Variants in NCAM2 observed in about 807,000 individuals in gnomAD.
NCAM2 encodes the protein N-CAM-2.
In NCAM2, 30 loss-of-function variants were observed where a neutral mutation model predicts 98.1. The ratio of observed to expected loss-of-function variants is 0.31; its 90% CI spans 0.23 to 0.41. The LOEUF is 0.41. Ranked by LOEUF, NCAM2 falls within the 10% of genes least tolerant of loss-of-function variation. NCAM2 has a pLI of 1.00. For missense variants in NCAM2, 867 were observed against 1,005.8 expected, an observed-to-expected ratio of 0.86 and a Z score of 1.87; for synonymous variants, 368 against 342.4, an observed-to-expected ratio of 1.07 and a Z score of -0.83.
rs894003943 is a variant in NCAM2 at position 21,213,573 on chromosome 21, C to A, written c.56-67005C>A. Among the ~76,000 whole-genome samples, 3 of 152,230 alleles carry A rather than the reference C, an allele frequency of 2.0e-5. No individual in the cohort carries two copies. The East Asian group carries it at 5.8e-4, about 29-fold the overall frequency. Reference sequence around the variant, plus strand: ...TAGGAATAATGCTTTAGAGATATGTCACATTACAGCGTTTTTATGCCTTTT... The same window carrying A: ...TAGGAATAATGCTTTAGAGATATGTAACATTACAGCGTTTTTATGCCTTTT... On this transcript the variant is annotated intron_variant, in intron 1 of 17. Coordinates refer to ENST00000400546, the MANE Select transcript of NCAM2 (RefSeq NM_004540.5).
chr21:21,188,301 A>C (rs1245816298), intron 1 of NCAM2, among the ~76,000 whole-genome samples: 1 of 152,160 alleles, frequency 6.6e-6, no homozygotes, highest in African/African-American at 2.4e-5. Flanking sequence ...AAATACTTAC[A>C]AATTTTTGCC....
intron 1 of NCAM2, among the ~76,000 whole-genome samples, chr21:21,163,051 T>C (rs2067835808): frequency 6.6e-6 from 1 of 152,186 alleles, no homozygotes; most frequent in African/African-American, 2.4e-5. Flanking sequence ...TAGCATATTC[T>C]TTCATCCCCT....
intron 1 of NCAM2, among the ~76,000 whole-genome samples, chr21:21,091,450 A>G (rs2066010158): frequency 1.3e-5 from 2 of 152,112 alleles, no homozygotes; most frequent in Non-Finnish European, 2.9e-5. Context: ...TCATTAAAGT[A>G]CATAGTGATT....
chr21:21,218,952 A>G (rs1407360631), intron 1 of NCAM2, among the ~76,000 whole-genome samples: 2 of 152,206 alleles, frequency 1.3e-5, no homozygotes, highest in East Asian at 3.9e-4. Context: ...CTGAGGAAGG[A>G]GAATCACTTC....
chr21:21,025,461 G>T (rs551040875), intron 1 of NCAM2, among the ~76,000 whole-genome samples: 1 of 152,178 alleles, frequency 6.6e-6, no homozygotes, highest in African/African-American at 2.4e-5. Flanking sequence ...GATAGTGAGT[G>T]TCCCACTGTT....
intron 1 of NCAM2, among the ~76,000 whole-genome samples, chr21:21,004,275 C>T (rs1392243210): frequency 1.3e-5 from 2 of 152,176 alleles, no homozygotes; most frequent in African/African-American, 4.8e-5. Context: ...ATATTATCAG[C>T]ACCTTCTAAC....
In NCAM2 at chr21:21,095,591, C is replaced by A. The variant is rs1480668297; in HGVS notation, c.55+96973C>A. Among the ~76,000 whole-genome samples the A allele has an allele frequency of 2.6e-5, 4 of 151,214 alleles. No individual in the cohort carries two copies. In the South Asian group the frequency reaches 8.3e-4, roughly 31 times the overall value. ...ATAAGTAAGTGAGGCTAAATAAGTTCTTTAAGGAAGAAAAGATGATAAGAT... is the reference window on the plus strand; with the variant it reads ...ATAAGTAAGTGAGGCTAAATAAGTTATTTAAGGAAGAAAAGATGATAAGAT... On this transcript the variant is annotated intron_variant, in intron 1 of 17. Transcript: ENST00000400546.
At chr21:21,503,711 A>G (rs931045936) in intron 15 of NCAM2, among the ~76,000 whole-genome samples, 1 of 151,972 alleles carries the variant, frequency 6.6e-6, no homozygotes, top group African/African-American at 2.4e-5. Flanking sequence ...TGAAAATTTG[A>G]ATGCAATTAC....
chr21:21,172,484 A>G (rs936500441), intron 1 of NCAM2, among the ~76,000 whole-genome samples: 2 of 152,154 alleles, frequency 1.3e-5, no homozygotes, highest in Non-Finnish European at 2.9e-5. Flanking sequence ...ACACTTTAAA[A>G]TAACTCTTTC....
intron 1 of NCAM2, among the ~76,000 whole-genome samples, chr21:21,267,343 A>T (rs572469574): frequency 2.0e-5 from 3 of 152,162 alleles, no homozygotes; most frequent in African/African-American, 7.2e-5. Flanking sequence ...ATTTTGCTTT[A>T]TAAGAATAAA....
chr21:21,050,008 G>A lies in NCAM2; in HGVS notation c.55+51390G>A, dbSNP rs116252544. ...GCTTGATTCATTTCCTTAGGTTAAT[G>A]GACACACAATTATTATTCTACAGTA... is the stretch of plus-strand genomic sequence containing the variant. On this transcript the variant is annotated intron_variant, in intron 1 of 17. Coordinates refer to ENST00000400546, the MANE Select transcript of NCAM2 (RefSeq NM_004540.5). 9.6e-3 allele frequency among the ~76,000 whole-genome samples: 1,464 copies of A among 152,150 alleles called. 20 individuals are homozygous for A. Among genetic ancestry groups the A allele is most frequent in the African/African-American group, 0.034 (1,407 of 41,504 alleles).
rs232399 is a variant in NCAM2, at chr21:21,430,194, G to T, written c.1481-1914G>T. ...CAGGCACACTCCACTACACCCGGCT[G>T]TTTTTTTTATTTTTGTGGAAACAGG... On this transcript the variant is annotated intron_variant, in intron 11 of 17. Coordinates refer to ENST00000400546, the MANE Select transcript of NCAM2 (RefSeq NM_004540.5). Among the ~76,000 whole-genome samples the T allele has an allele frequency of 3.4e-3, 514 of 150,948 alleles. 2 individuals are homozygous for T. Among genetic ancestry groups the T allele is most frequent in the Non-Finnish European group, 5.8e-3 (390 of 67,716 alleles).
chr21:21,242,096 A>G (rs1217970126), intron 1 of NCAM2, among the ~76,000 whole-genome samples: 1 of 152,160 alleles, frequency 6.6e-6, no homozygotes, highest in Non-Finnish European at 1.5e-5. Context: ...TAAGTGGTGA[A>G]ATACAAATTT....
intron 1 of NCAM2, among the ~76,000 whole-genome samples, chr21:21,042,845 ATAAT>A (rs1219451174): frequency 2.0e-5 from 3 of 152,234 alleles, no homozygotes; most frequent in African/African-American, 7.2e-5. Flanking sequence ...AAATAACAAC[ATAAT>A]TTATTTATCT....
At chr21:21,420,046 T>C (rs939709006) in intron 11 of NCAM2, among the ~76,000 whole-genome samples, 1 of 152,064 alleles carries the variant, frequency 6.6e-6, no homozygotes, top group African/African-American at 2.4e-5. Context: ...TTTAAAAAAT[T>C]AAATTATATT....
chr21:21,279,143 T>C (rs544644467), intron 1 of NCAM2, among the ~76,000 whole-genome samples: 1 of 152,328 alleles, frequency 6.6e-6, no homozygotes, highest in Admixed American at 6.5e-5. Context: ...TTTTTAGTTT[T>C]TCCAGGTTGA....
At chr21:21,164,015 A>T (rs1205909086) in intron 1 of NCAM2, among the ~76,000 whole-genome samples, 2 of 152,170 alleles carry the variant, frequency 1.3e-5, no homozygotes. Flanking sequence ...GAATCACTGC[A>T]AGTGTACTTG....
At chr21:21,217,958 A>G (rs1342312868) in intron 1 of NCAM2, among the ~76,000 whole-genome samples, 1 of 152,180 alleles carries the variant, frequency 6.6e-6, no homozygotes, top group African/African-American at 2.4e-5. Context: ...ATAGAACCAA[A>G]TTCTGTAAAC....
rs947866242 is a variant in NCAM2, at chr21:21,255,221, C to T, written c.56-25357C>T. Among the ~76,000 whole-genome samples the T allele has an allele frequency of 2.0e-5, 3 of 152,198 alleles. No homozygotes were observed. In the East Asian group the frequency reaches 5.8e-4, roughly 29 times the overall value. On this transcript the variant is annotated intron_variant, in intron 1 of 17. Transcript: ENST00000400546. ...ACTGGATCAGAGTTATCCCCGAGTA[C>T]GTTGGAGTACACTGGAACAGGCCTT...
Sources: gnomAD v4.1 joint callset for allele counts (sites outside exome capture counted in the v4.1 genomes callset) on GRCh38, gnomAD v4.1.1 for gene constraint, MANE v1.5 for transcripts, NCBI Gene and HGNC (gene_info 2026-07-23, HGNC 2026-07-21) for gene names.